The following ABLIM3 variants were observed in gnomAD, a reference collection of about 807,000 sequenced individuals.
ABLIM3 encodes the protein actin binding LIM protein family member 3.
In ABLIM3, 61 loss-of-function variants were observed where a neutral mutation model predicts 109.5. That is an observed-to-expected ratio of 0.56 (90% CI 0.45 to 0.69). ABLIM3 has a LOEUF of 0.69. ABLIM3 is among the 30% of genes least tolerant of loss of function. The pLI is 0.00. For synonymous variants in ABLIM3, 300 were observed against 324.8 expected, an observed-to-expected ratio of 0.92 and a Z score of 0.82; for missense variants, 796 against 889.5, an observed-to-expected ratio of 0.89 and a Z score of 1.34.
intron 8 of ABLIM3, chr5:149,217,364 C>T (rs1383342480): frequency 1.8e-5 from 7 of 392,678 alleles, no homozygotes; most frequent in Non-Finnish European, 3.3e-5. Context: ...GCTGCACAGG[C>T]CCAAGGGGTC....
chr5:149,173,259 A>T (rs935993073), intron 2 of ABLIM3, among the ~76,000 whole-genome samples: 9 of 152,234 alleles, frequency 5.9e-5, no homozygotes, highest in Admixed American at 5.9e-4. Flanking sequence ...ATCAGTGGGT[A>T]GTCCCGTAGG....
chr5:149,163,888 G>A (rs1754600527), intron 2 of ABLIM3: 1 of 152,106 alleles, frequency 6.6e-6, no homozygotes, highest in Non-Finnish European at 1.5e-5. Context: ...TTCCTTTGTT[G>A]CTGCTTTTAG....
chr5:149,182,971 T>C lies in ABLIM3; in HGVS notation c.14-481T>C, dbSNP rs80025095. Among the ~76,000 whole-genome samples, 1,825 of 151,890 alleles carry C rather than the reference T, an allele frequency of 0.012. 83 individuals are homozygous for C. In the East Asian group the frequency reaches 0.15, roughly 13 times the overall value. ...TTTGACCACCCTCATTTGATAGACA[T>C]GAAAATTGAGGCCCAGAGAGGGGCT... On this transcript the variant is annotated intron_variant, in intron 2 of 23. Transcript: ENST00000309868.
intron 2 of ABLIM3, among the ~76,000 whole-genome samples, chr5:149,161,878 T>C (rs1368480251): frequency 6.6e-6 from 1 of 151,962 alleles, no homozygotes; most frequent in Non-Finnish European, 1.5e-5. Context: ...TGTGTGTGTG[T>C]GTATGCGTGG....
intron 23 of ABLIM3, 122 bp from the exon 24 acceptor site, chr5:149,258,169 G>A: frequency 1.4e-6 from 1 of 730,528 alleles, no homozygotes; most frequent in South Asian, 1.8e-5. Flanking sequence ...ACCATGCAAG[G>A]CACAGGGTGC....
Position 149,221,162 on chromosome 5 carries a change from G to A in ABLIM3, c.757+4116G>A, listed in dbSNP as rs373668041. The stretch of plus-strand genomic sequence containing the variant: ...TGAAAAGGGCAGGAAGATTGAGGAG[G>A]CAGTGAGAACAGTGAGTGCAAAGGC... On this transcript the variant is annotated intron_variant, in intron 8 of 23. Transcript: ENST00000309868. Among the ~76,000 whole-genome samples, 7 of 152,184 alleles carry A rather than the reference G, an allele frequency of 4.6e-5. No individual in the cohort carries two copies. The East Asian group carries it at 9.6e-4, about 21-fold the overall frequency.
chr5:149,168,161 C>A (rs1315522537), intron 2 of ABLIM3, among the ~76,000 whole-genome samples: 6 of 152,140 alleles, frequency 3.9e-5, no homozygotes, highest in Non-Finnish European at 5.9e-5. Flanking sequence ...CAATAGAGAA[C>A]TGGTGAACTA....
At chr5:149,247,573 C>A (rs1373478706) in intron 17 of ABLIM3, 2 of 735,848 alleles carry the variant, frequency 2.7e-6, no homozygotes, top group Non-Finnish European at 4.8e-6. Flanking sequence ...CACCACCAGA[C>A]CCCCACCCAG....
intron 15 of ABLIM3, 84 bp downstream of exon 15, chr5:149,242,622 C>T: frequency 2.8e-6 from 4 of 1,410,512 alleles, no homozygotes; most frequent in Non-Finnish European, 4.0e-6. Flanking sequence ...GCACAGGCCA[C>T]CAGGAGCCAC....
intron 8 of ABLIM3, among the ~76,000 whole-genome samples, chr5:149,229,813 G>A (rs966608516): frequency 1.3e-5 from 2 of 152,212 alleles, no homozygotes; most frequent in African/African-American, 4.8e-5. Flanking sequence ...CAACATGTGA[G>A]CAGCCACCTG....
chr5:149,248,778 T>C (rs1283074028), intron 18 of ABLIM3, among the ~76,000 whole-genome samples: 1 of 151,024 alleles, frequency 6.6e-6, no homozygotes, highest in Non-Finnish European at 1.5e-5. Flanking sequence ...GTAGTGAGTC[T>C]ACCATGATTT....
At position 149,239,874 on chromosome 5, in the gene ABLIM3, A is replaced by G. The variant is rs779779493; in HGVS notation, c.1190A>G (p.His397Arg). Residue 397 changes from histidine (H) to arginine (R), a missense_variant, in exon 13 of 24, where the codon CAC becomes CGC. His to Arg is a conservative substitution (Grantham distance 29). Transcript: ENST00000309868. The part of the protein sequence containing the change: ...MSPTFSRSPH[H>R]YYRSGPESGR... ...CCCACCTTCTCCCGCTCACCTCACC[A>G]CTACTACCGCTCTGGTAAGGAAGGG... 2 of 1,608,064 alleles carry G rather than the reference A, an allele frequency of 1.2e-6. No homozygotes were observed.
Position 149,259,971 on chromosome 5 carries a change from C to A in ABLIM3, c.*1567C>A. The A allele has an allele frequency of 4.3e-6, 1 of 231,760 alleles. No homozygotes were observed. Among genetic ancestry groups the A allele is most frequent in the Non-Finnish European group, 8.5e-6 (1 of 117,134 alleles). 14.4% of individuals were successfully genotyped at this position (231,760 alleles called of 1,614,324 possible). On this transcript the variant is annotated 3_prime_UTR_variant, in exon 24 of 24. Coordinates refer to ENST00000309868, the MANE Select transcript of ABLIM3 (RefSeq NM_014945.5). Reference sequence around the variant, plus strand: ...GGGGTGAGTCAACCTGGGACTCGGTCTCAGGGATATGCCTACCAATAGCGG... The same window carrying A: ...GGGGTGAGTCAACCTGGGACTCGGTATCAGGGATATGCCTACCAATAGCGG...
At chr5:149,202,398 C>T (rs932087248) in intron 5 of ABLIM3, among the ~76,000 whole-genome samples, 6 of 152,172 alleles carry the variant, frequency 3.9e-5, no homozygotes, top group African/African-American at 1.4e-4. Flanking sequence ...AAAGTAAAGA[C>T]ATCAATCCGT....
chr5:149,185,371 A>T (rs2127477992), intron 3 of ABLIM3, among the ~76,000 whole-genome samples: 1 of 152,260 alleles, frequency 6.6e-6, no homozygotes, highest in Non-Finnish European at 1.5e-5. Flanking sequence ...TCGGAGCTCC[A>T]AGTACAATGA....
At chr5:149,158,137 G>A (rs998384113) in intron 2 of ABLIM3, among the ~76,000 whole-genome samples, 1 of 152,146 alleles carries the variant, frequency 6.6e-6, no homozygotes, top group African/African-American at 2.4e-5. Flanking sequence ...GTCATTTGCT[G>A]TGAGTCAACA....
At chr5:149,225,988 ATATAT>A (rs1761211385) in intron 8 of ABLIM3, among the ~76,000 whole-genome samples, 1 of 15,644 alleles carries the variant, frequency 6.4e-5, no homozygotes, top group Admixed American at 4.6e-4. Context: ...GTGTGTATAT[ATATAT>A]ATATATATAT....
chr5:149,199,515 T>C (rs114101979), intron 4 of ABLIM3, among the ~76,000 whole-genome samples: 2,158 of 152,338 alleles, frequency 0.014, 63 homozygotes, highest in African/African-American at 0.05. Context: ...ATGAGGTCTC[T>C]GTCAAGCCAG....
intron 3 of ABLIM3, among the ~76,000 whole-genome samples, chr5:149,193,440 A>G (rs10463417): frequency 0.36 from 55,271 of 151,760 alleles, 10,206 homozygotes; most frequent in East Asian, 0.53. Context: ...TGTTAAATTT[A>G]TAGAATATCA....
Sources: gnomAD v4.1 joint callset for allele counts (sites outside exome capture counted in the v4.1 genomes callset) on GRCh38, gnomAD v4.1.1 for gene constraint, MANE v1.5 for transcripts, NCBI Gene and HGNC (gene_info 2026-07-23, HGNC 2026-07-21) for gene names.